Variants in NCKAP5 observed in about 807,000 individuals in gnomAD.
NCKAP5 encodes nck-associated protein 5.
In NCKAP5, 92 loss-of-function variants were observed where a neutral mutation model predicts 167.0. The ratio of observed to expected loss-of-function variants is 0.55; its 90% CI spans 0.47 to 0.66. NCKAP5 has a LOEUF of 0.66. NCKAP5 is among the 30% of genes least tolerant of loss of function. The pLI, the probability that NCKAP5 is intolerant of heterozygous loss-of-function variation, is 0.00. For synonymous variants in NCKAP5, 891 were observed against 877.4 expected (o/e 1.02, Z -0.27); for missense variants, 2,378 against 2,315.0 (o/e 1.03, Z -0.56).
chr2:133,216,197 G>T (rs899175104), intron 4 of NCKAP5, among the ~76,000 whole-genome samples: 2 of 151,954 alleles, frequency 1.3e-5, no homozygotes, highest in African/African-American at 4.8e-5. Flanking sequence ...CCTATTCACT[G>T]ATACATATAA....
chr2:133,247,829 G>A (rs748146780), intron 4 of NCKAP5, among the ~76,000 whole-genome samples: 2 of 152,028 alleles, frequency 1.3e-5, no homozygotes, highest in African/African-American at 2.4e-5. Flanking sequence ...TTTCTATTGC[G>A]GCTACTTCAA....
intron 3 of NCKAP5, among the ~76,000 whole-genome samples, chr2:133,388,672 G>C (rs940047983): frequency 6.6e-6 from 1 of 152,188 alleles, no homozygotes; most frequent in Non-Finnish European, 1.5e-5. Flanking sequence ...CTTGAACTGT[G>C]GTGGGATCCA....
At chr2:132,826,430 G>A (rs112924124) in intron 11 of NCKAP5, among the ~76,000 whole-genome samples, 1,524 of 152,244 alleles carry the variant, frequency 0.01, 11 homozygotes, top group Non-Finnish European at 0.016. Flanking sequence ...TTGTACTCAG[G>A]AAGGGCCTTC....
chr2:133,634,088 T>G, the NCKAP5 span, among the ~76,000 whole-genome samples: 4 of 152,248 alleles, frequency 2.6e-5, no homozygotes, highest in Admixed American at 1.3e-4. Context: ...TATTATCTAT[T>G]AAGCCTCTCT....
intron 4 of NCKAP5, among the ~76,000 whole-genome samples, chr2:133,260,870 TCTTA>T (rs1444727101): frequency 2.0e-5 from 3 of 152,230 alleles, no homozygotes; most frequent in Non-Finnish European, 4.4e-5. Flanking sequence ...ATTCATCTTA[TCTTA>T]CTTACAATGC....
chr2:132,909,392 T>TC (rs1244129023), intron 8 of NCKAP5, among the ~76,000 whole-genome samples: 1 of 152,192 alleles, frequency 6.6e-6, no homozygotes, highest in Non-Finnish European at 1.5e-5. Flanking sequence ...ATGCTCAGGC[T>TC]ATATCCAATG....
At chr2:133,105,931 C>G (rs2081670649) in intron 6 of NCKAP5, among the ~76,000 whole-genome samples, 2 of 152,086 alleles carry the variant, frequency 1.3e-5, no homozygotes, top group African/African-American at 4.8e-5. Context: ...AACATAAAGC[C>G]TACTCACTGA....
chr2:133,463,117 C>A (rs1014199240), intron 3 of NCKAP5, among the ~76,000 whole-genome samples: 1 of 152,162 alleles, frequency 6.6e-6, no homozygotes, highest in Non-Finnish European at 1.5e-5. Flanking sequence ...TATTAATAGT[C>A]ACAGGGTACA....
rs114440255 is a variant in NCKAP5 at position 132,901,454 on chromosome 2, C to T, written c.580-22538G>A. Among the ~76,000 whole-genome samples, 524 of 152,258 alleles carry T rather than the reference C, an allele frequency of 3.4e-3. 1 individual carries two copies. The highest frequency in any genetic ancestry group is 0.012 in the African/African-American group (488 of 41,544). Reference sequence around the variant, plus strand: ...AGAATTGGAATTGTCTTTTTAAACCCGAGGAGACACTGCTCACTTTAAGGT... The same window carrying T: ...AGAATTGGAATTGTCTTTTTAAACCTGAGGAGACACTGCTCACTTTAAGGT... On this transcript the variant is annotated intron_variant, in intron 8 of 19. Transcript: ENST00000409261.
At chr2:132,755,021 T>C (rs1680416550) in intron 16 of NCKAP5, among the ~76,000 whole-genome samples, 1 of 152,220 alleles carries the variant, frequency 6.6e-6, no homozygotes, top group South Asian at 2.1e-4. Flanking sequence ...CTAATAAATA[T>C]TTAGTAACTG....
At chr2:132,754,235 C>T (rs1559012497) in intron 16 of NCKAP5, among the ~76,000 whole-genome samples, 4 of 152,080 alleles carry the variant, frequency 2.6e-5, no homozygotes, top group African/African-American at 9.7e-5. Context: ...TCTGACTTCC[C>T]CTATCGATCT....
At chr2:133,567,302 G>A (rs958415363) in intron 1 of NCKAP5, among the ~76,000 whole-genome samples, 9 of 152,164 alleles carry the variant, frequency 5.9e-5, no homozygotes, top group South Asian at 2.1e-4. Context: ...CAGAACTCCC[G>A]GGTGGCAACA....
chr2:133,526,030 T>C (rs1393662568), intron 2 of NCKAP5, among the ~76,000 whole-genome samples: 1 of 152,116 alleles, frequency 6.6e-6, no homozygotes, highest in Non-Finnish European at 1.5e-5. Context: ...TCTGTTGGTA[T>C]AATCACTCAA....
At chr2:132,848,744 G>A (rs1015462367) in intron 11 of NCKAP5, among the ~76,000 whole-genome samples, 1 of 152,166 alleles carries the variant, frequency 6.6e-6, no homozygotes, top group Admixed American at 6.6e-5. Flanking sequence ...GGTCACTTGA[G>A]CCTAGGAGTT....
At chr2:133,040,911 GC>G (rs1406963415) in intron 6 of NCKAP5, among the ~76,000 whole-genome samples, 1 of 152,112 alleles carries the variant, frequency 6.6e-6, no homozygotes, top group Non-Finnish European at 1.5e-5. Flanking sequence ...TCCAGGTCAT[GC>G]AAAATTAATT....
chr2:133,331,983 C>A (rs994122288), intron 3 of NCKAP5, among the ~76,000 whole-genome samples: 1 of 152,180 alleles, frequency 6.6e-6, no homozygotes, highest in African/African-American at 2.4e-5. Context: ...TCTTCCTCTT[C>A]CAGGCAGCTA....
chr2:132,985,703 AAG>A (rs1360669055), intron 7 of NCKAP5, among the ~76,000 whole-genome samples: 2 of 152,186 alleles, frequency 1.3e-5, no homozygotes, highest in African/African-American at 2.4e-5. Flanking sequence ...TTCCTCAAGG[AAG>A]AGTTTCAGCC....
intron 4 of NCKAP5, among the ~76,000 whole-genome samples, chr2:133,262,375 T>C (rs574576353): frequency 9.8e-5 from 15 of 152,344 alleles, no homozygotes; most frequent in African/African-American, 3.6e-4. Flanking sequence ...CTATGACTTA[T>C]GTTCAAGACC....
chr2:132,850,714 G>A (rs551208895), intron 11 of NCKAP5, among the ~76,000 whole-genome samples: 2 of 152,188 alleles, frequency 1.3e-5, no homozygotes, highest in African/African-American at 4.8e-5. Context: ...TAGAACTGCA[G>A]GGACTACTTC....
Sources: gnomAD v4.1 joint callset for allele counts (sites outside exome capture counted in the v4.1 genomes callset) on GRCh38, gnomAD v4.1.1 for gene constraint, MANE v1.5 for transcripts, NCBI Gene and HGNC (gene_info 2026-07-23, HGNC 2026-07-21) for gene names.